The following FABP6 variants were observed in gnomAD, a reference collection of about 807,000 sequenced individuals.
FABP6 encodes fatty acid binding protein 6.
Under a neutral mutation model 14.9 loss-of-function variants are expected in FABP6, and 13 were observed. The ratio of observed to expected loss-of-function variants is 0.87; its 90% CI spans 0.57 to 1.39. The LOEUF (loss-of-function observed/expected upper bound fraction) is 1.39, where lower values mean the gene tolerates loss of function less well. Among genes scored for constraint, FABP6 ranks in the 40% most tolerant of loss-of-function variants. FABP6 has a pLI of 0.00. For missense variants in FABP6, 161 were observed against 167.2 expected (o/e 0.96, Z 0.20); for synonymous variants, 75 against 63.6 (o/e 1.18, Z -0.85).
intron 3 of FABP6, among the ~76,000 whole-genome samples, chr5:160,214,840 G>A (rs1434253162): frequency 6.6e-6 from 1 of 151,994 alleles, no homozygotes; most frequent in Non-Finnish European, 1.5e-5. Flanking sequence ...CTCAAAAGTG[G>A]GTTGTGGAAC....
chr5:160,215,100 T>C (rs1759983778), intron 3 of FABP6, among the ~76,000 whole-genome samples: 1 of 152,238 alleles, frequency 6.6e-6, no homozygotes. Context: ...GTTTTCCCCA[T>C]GTTGTGGTGT....
intron 2 of FABP6, among the ~76,000 whole-genome samples, chr5:160,204,208 A>C (rs1481528768): frequency 6.6e-6 from 1 of 151,610 alleles, no homozygotes; most frequent in African/African-American, 2.4e-5. Context: ...CTGTAGTCTT[A>C]GCTACTTGGG....
intron 3 of FABP6, 91 bp from the exon 4 acceptor site, chr5:160,238,515 C>G: frequency 9.1e-7 from 1 of 1,094,030 alleles, no homozygotes; most frequent in South Asian, 1.3e-5. Flanking sequence ...CTACTCAAGG[C>G]CGGGGTTGGA....
intron 2 of FABP6, among the ~76,000 whole-genome samples, chr5:160,206,044 C>G (rs1759758083): frequency 6.6e-6 from 1 of 152,110 alleles, no homozygotes; most frequent in Non-Finnish European, 1.5e-5. Flanking sequence ...AACACATTAT[C>G]TCACATATAC....
chr5:160,192,152 C>G (rs1306522321), intron 1 of FABP6, among the ~76,000 whole-genome samples: 1 of 152,092 alleles, frequency 6.6e-6, no homozygotes, highest in Admixed American at 6.6e-5. Flanking sequence ...ATGTCACCTA[C>G]CCAGCCAGCC....
chr5:160,227,366 C>T (rs183184843), upstream of FABP6, among the ~76,000 whole-genome samples: 121 of 152,006 alleles, frequency 8.0e-4, no homozygotes, highest in African/African-American at 2.8e-3. Flanking sequence ...GAAACCTTGT[C>T]TCTACTAAAA....
At chr5:160,238,295 C>A (rs149043280) in intron 3 of FABP6, among the ~76,000 whole-genome samples, 2 of 152,290 alleles carry the variant, frequency 1.3e-5, no homozygotes, top group Non-Finnish European at 2.9e-5. Context: ...ATGGGAACAA[C>A]CTCACAGGGC....
intron 3 of FABP6, among the ~76,000 whole-genome samples, chr5:160,214,086 T>C (rs1580911003): frequency 6.8e-6 from 1 of 147,658 alleles, no homozygotes; most frequent in East Asian, 2.0e-4. Context: ...TTTGCCTGCC[T>C]TTCTCTTTCT....
chr5:160,218,963 G>A (rs966187819), intron 3 of FABP6, among the ~76,000 whole-genome samples: 3 of 152,102 alleles, frequency 2.0e-5, no homozygotes, highest in African/African-American at 7.2e-5. Context: ...GTCTTACTAT[G>A]TAGGCCACAC....
intron 2 of FABP6, among the ~76,000 whole-genome samples, chr5:160,206,456 C>T (rs1253955500): frequency 4.6e-5 from 7 of 151,922 alleles, no homozygotes; most frequent in Non-Finnish European, 8.8e-5. Context: ...AAAAAACCCA[C>T]ATAATATTCT....
intron 3 of FABP6, among the ~76,000 whole-genome samples, chr5:160,218,186 T>A (rs1760056269): frequency 6.6e-6 from 1 of 152,150 alleles, no homozygotes; most frequent in Admixed American, 6.6e-5. Flanking sequence ...TCTGGCCTCC[T>A]GAGTCACTGA....
At chr5:160,200,772 C>G (rs928782864) in intron 2 of FABP6, among the ~76,000 whole-genome samples, 1 of 152,180 alleles carries the variant, frequency 6.6e-6, no homozygotes, top group Non-Finnish European at 1.5e-5. Context: ...TCTGTGTTCT[C>G]CTGCCATGGG....
At chr5:160,238,146 G>A (rs1396894819) in intron 3 of FABP6, among the ~76,000 whole-genome samples, 2 of 152,132 alleles carry the variant, frequency 1.3e-5, no homozygotes, top group South Asian at 4.1e-4. Context: ...TAAACCTTAG[G>A]CTTCTCGAGA....
Position 160,232,943 on chromosome 5 carries a change from C to T in FABP6, c.243+670C>T, listed in dbSNP as rs114507765. On this transcript the variant is annotated intron_variant, in intron 2 of 3. Transcript: ENST00000402432. ...AATAAAAAAAACCTTGCCTTAGTTA[C>T]ACAACAGGGGCAGGCCTTTACACCA... Among the ~76,000 whole-genome samples the T allele has an allele frequency of 6.5e-3, 975 of 149,420 alleles. 4 individuals carry two copies. The highest frequency in any genetic ancestry group is 0.011 in the South Asian group (52 of 4,688).
At chr5:160,194,890 G>T (rs1228095128) in intron 1 of FABP6, among the ~76,000 whole-genome samples, 1 of 152,164 alleles carries the variant, frequency 6.6e-6, no homozygotes, top group Non-Finnish European at 1.5e-5. Flanking sequence ...ACCTTGACTA[G>T]CACCCAGTGC....
chr5:160,213,822 A>C (rs772163192), intron 3 of FABP6: 1 of 1,612,740 alleles, frequency 6.2e-7, no homozygotes. Flanking sequence ...AAGGAAAGGT[A>C]TGGGGTAGAA....
At chr5:160,199,505 AGCCG>A (rs987545370) in intron 2 of FABP6, among the ~76,000 whole-genome samples, 5 of 151,978 alleles carry the variant, frequency 3.3e-5, no homozygotes, top group African/African-American at 1.2e-4. Flanking sequence ...TGCCGTGCCA[AGCCG>A]GCCACCAGAG....
At chr5:160,223,725 C>T (rs948549145) in intron 3 of FABP6, among the ~76,000 whole-genome samples, 1 of 151,542 alleles carries the variant, frequency 6.6e-6, no homozygotes, top group African/African-American at 2.4e-5. Context: ...CTGTGCCCTG[C>T]CAAAATAGTG....
intron 1 of FABP6, among the ~76,000 whole-genome samples, chr5:160,188,052 C>T (rs1317463905): frequency 2.8e-5 from 1 of 36,054 alleles, no homozygotes; most frequent in Non-Finnish European, 5.2e-5. Flanking sequence ...GAGACCCCGG[C>T]CTGCTAATAT....
Sources: allele counts gnomAD v4.1 joint callset (sites outside exome capture counted in the v4.1 genomes callset), GRCh38; gene constraint gnomAD v4.1.1; transcripts MANE v1.5; gene names NCBI Gene and HGNC (gene_info 2026-07-23, HGNC 2026-07-21).